ABCC1: variants seen among roughly 807,000 people sequenced by gnomAD.
The protein encoded by ABCC1 is multidrug resistance-associated protein 1.
Under a neutral mutation model 172.9 loss-of-function variants are expected in ABCC1, and 83 were observed. The observed-to-expected ratio is 0.48, with a 90% CI of 0.40 to 0.58. The LOEUF is 0.58. Among genes scored for constraint, ABCC1 ranks in the 20% least tolerant of loss-of-function variants. The pLI, the probability that ABCC1 is intolerant of heterozygous loss-of-function variation, is 0.00. For synonymous variants in ABCC1, 937 were observed against 825.2 expected (o/e 1.14, Z -2.32); for missense variants, 1,817 against 2,002.7 (o/e 0.91, Z 1.77).
At chr16:16,005,918 C>G (rs958150049) in intron 1 of ABCC1, among the ~76,000 whole-genome samples, 3 of 151,170 alleles carry the variant, frequency 2.0e-5, no homozygotes, top group African/African-American at 4.9e-5. Flanking sequence ...CGCTTGAACC[C>G]GAGAAGCAGA....
In ABCC1 at chr16:16,125,164, C is replaced by T. The variant is rs45503692; in HGVS notation, c.3717+249C>T. 1.7e-4 allele frequency among the ~76,000 whole-genome samples: 26 copies of T among 152,266 alleles called. No homozygotes were observed. The South Asian group carries it at 3.1e-3, about 18-fold the overall frequency. On this transcript the variant is annotated intron_variant, in intron 25 of 30. Coordinates refer to ENST00000399410, the MANE Select transcript of ABCC1 (RefSeq NM_004996.4). The stretch of plus-strand genomic sequence containing the variant: ...TGGCCCAAGAGGATACTTCCAGGTA[C>T]GAGGGGAATGCTTTTAAAGCTATGA...
chr16:16,084,241 T>G lies in ABCC1; in HGVS notation c.2292+699T>G, dbSNP rs537864253. ...CCTCAGCTTCCTGAGGGGCTGGAAT[T>G]ACAGGTGCATATCACCACACTCGGC... On this transcript the variant is annotated intron_variant, in intron 17 of 30. Coordinates refer to ENST00000399410, the MANE Select transcript of ABCC1 (RefSeq NM_004996.4). Among the ~76,000 whole-genome samples, 4 of 152,310 alleles carry G rather than the reference T, an allele frequency of 2.6e-5. 1 individual carries two copies. The South Asian group carries it at 8.3e-4, about 32-fold the overall frequency.
chr16:15,976,243 GGC>G (rs2046489018), intron 1 of ABCC1, among the ~76,000 whole-genome samples: 1 of 152,104 alleles, frequency 6.6e-6, no homozygotes, highest in Non-Finnish European at 1.5e-5. Context: ...CTCCAGCCTG[GGC>G]AGCAAGAGCA....
chr16:16,048,518 G>A (rs1034735328), intron 10 of ABCC1, among the ~76,000 whole-genome samples: 10 of 152,098 alleles, frequency 6.6e-5, no homozygotes, highest in African/African-American at 9.7e-5. Context: ...GTGGCATGGC[G>A]TTTTCATTTT....
chr16:16,087,381 T>A (rs2051052028), intron 18 of ABCC1, among the ~76,000 whole-genome samples: 2 of 152,160 alleles, frequency 1.3e-5, no homozygotes, highest in Non-Finnish European at 2.9e-5. Flanking sequence ...CACCTTAACA[T>A]AATAGGAAAT....
intron 4 of ABCC1, 91 bp from the exon 5 acceptor site, chr16:16,016,405 C>A: frequency 6.6e-7 from 1 of 1,510,658 alleles, no homozygotes; most frequent in Non-Finnish European, 9.1e-7. Flanking sequence ...CTGCCTGTCT[C>A]GGCCTCCAAA....
At chr16:16,000,721 A>G (rs1392554554) in intron 1 of ABCC1, among the ~76,000 whole-genome samples, 1 of 152,212 alleles carries the variant, frequency 6.6e-6, no homozygotes, top group African/African-American at 2.4e-5. Context: ...TGGCCTCCCA[A>G]AATGCTGAGG....
chr16:16,114,116 G>T (rs2044740813), intron 22 of ABCC1, among the ~76,000 whole-genome samples: 1 of 152,196 alleles, frequency 6.6e-6, no homozygotes, highest in Admixed American at 6.5e-5. Context: ...ATTAAGAGCA[G>T]GCTGTCTGGA....
intron 12 of ABCC1, among the ~76,000 whole-genome samples, 179 bp from the exon 13 acceptor site, chr16:16,067,977 G>A (rs762845801): frequency 6.6e-6 from 1 of 152,094 alleles, no homozygotes; most frequent in Non-Finnish European, 1.5e-5. Context: ...TTCCCAGAGT[G>A]TTTAGTGAGC....
At chr16:16,103,608 CAG>C (rs1176104629) in intron 20 of ABCC1, among the ~76,000 whole-genome samples, 80 of 152,150 alleles carry the variant, frequency 5.3e-4, no homozygotes, top group African/African-American at 1.8e-3. Context: ...AAAACAGCAG[CAG>C]CAGCAGAAAA....
At chr16:16,047,806 A>C in intron 9 of ABCC1, among the ~76,000 whole-genome samples, 3 of 151,550 alleles carry the variant, frequency 2.0e-5, no homozygotes, top group South Asian at 2.1e-4. Flanking sequence ...GACTTGCAGA[A>C]TCCAAAACAA....
rs901137821 is a variant in ABCC1 at position 16,056,919 on chromosome 16, C to T, written c.1677+624C>T. ...AGTGCGAGCTGAGTCGAACGGCACG[C>T]TTGGTGCCATAGTTGATCTACATTG... On this transcript the variant is annotated intron_variant, in intron 12 of 30. Transcript: ENST00000399410. 1.1e-4 allele frequency among the ~76,000 whole-genome samples: 17 copies of T among 152,216 alleles called. No individual in the cohort carries two copies. In the East Asian group the frequency reaches 1.7e-3, roughly 16 times the overall value.
chr16:16,108,273 C>CTT (rs79826916), intron 21 of ABCC1, among the ~76,000 whole-genome samples: 2,328 of 106,062 alleles, frequency 0.022, 77 homozygotes, highest in Middle Eastern at 0.039. Flanking sequence ...TTCTTTGTGT[C>CTT]TTTTTTTTTT....
intron 1 of ABCC1, among the ~76,000 whole-genome samples, chr16:15,976,302 C>T (rs552176975): frequency 6.6e-6 from 1 of 152,238 alleles, no homozygotes; most frequent in East Asian, 1.9e-4. Flanking sequence ...AAAGGCGGAT[C>T]GTTAAGGCTT....
chr16:16,077,972 A>C (rs1427731073), intron 15 of ABCC1, among the ~76,000 whole-genome samples: 2 of 152,222 alleles, frequency 1.3e-5, no homozygotes, highest in African/African-American at 4.8e-5. Flanking sequence ...AGCCTGGCCA[A>C]TGTGGGGAAA....
rs537813544 is a variant in ABCC1, at chr16:16,103,711, A to G, written c.2735+994A>G. ...AAAGGATCCCGGACCTGCAGTTGCTACAGGGGTCAGGAGAGAGCAAAGACC... is the reference window on the plus strand; with the variant it reads ...AAAGGATCCCGGACCTGCAGTTGCTGCAGGGGTCAGGAGAGAGCAAAGACC... On this transcript the variant is annotated intron_variant, in intron 20 of 30. Transcript: ENST00000399410. Among the ~76,000 whole-genome samples, 85 of 152,348 alleles carry G rather than the reference A, an allele frequency of 5.6e-4. 1 individual carries two copies. The highest frequency in any genetic ancestry group is 5.4e-3 in the Admixed American group (82 of 15,306).
At chr16:15,999,769 T>TCTC (rs2047186174) in intron 1 of ABCC1, among the ~76,000 whole-genome samples, 2 of 25,366 alleles carry the variant, frequency 7.9e-5, no homozygotes, top group Admixed American at 7.0e-4. Context: ...CCCGGCCTCT[T>TCTC]TCTCTCTCTC....
At chr16:15,974,878 C>A (rs1229678992) in intron 1 of ABCC1, among the ~76,000 whole-genome samples, 1 of 152,202 alleles carries the variant, frequency 6.6e-6, no homozygotes, top group Non-Finnish European at 1.5e-5. Context: ...CCTCCGTCTC[C>A]TGGGTTCAAG....
chr16:15,987,912 A>G (rs1031707871), intron 1 of ABCC1, among the ~76,000 whole-genome samples: 3 of 152,108 alleles, frequency 2.0e-5, no homozygotes. Context: ...CCCTTCCTCC[A>G]GATGGCCATT....
Sources: gnomAD v4.1 joint callset for allele counts (sites outside exome capture counted in the v4.1 genomes callset) on GRCh38, gnomAD v4.1.1 for gene constraint, MANE v1.5 for transcripts, NCBI Gene and HGNC (gene_info 2026-07-23, HGNC 2026-07-21) for gene names.